The following DMD variants were observed in gnomAD, a reference collection of about 807,000 sequenced individuals.
DMD encodes dystrophin, also known as mutant dystrophin.
In DMD, 63 loss-of-function variants were observed where a neutral mutation model predicts 330.1. That is an observed-to-expected ratio of 0.19 (90% CI 0.16 to 0.24). The LOEUF is 0.24. DMD is among the 10% of genes least tolerant of loss of function. The pLI is 1.00. For missense variants in DMD, 3,344 were observed against 2,684.1 expected, an observed-to-expected ratio of 1.25 and a Z score of -5.43; for synonymous variants, 1,223 against 959.8, an observed-to-expected ratio of 1.27 and a Z score of -5.07.
intron 50 of DMD, among the ~76,000 whole-genome samples, chrX:31,812,899 A>C: frequency 8.9e-6 from 1 of 112,404 alleles, no homozygotes; most frequent in Non-Finnish European, 1.9e-5. Flanking sequence ...TAATTCTAAG[A>C]CTTGTATTAA....
rs377295006 is a variant in DMD at position 31,254,271 on chromosome X, C to A, written c.9286+6684G>T. On this transcript the variant is annotated intron_variant, in intron 63 of 78. Transcript: ENST00000357033. ...TGACAGTATCACAAATGCAAAAAAACTCACATTGTAATTTAAAAAGGAACC... is the reference window on the plus strand; with the variant it reads ...TGACAGTATCACAAATGCAAAAAAAATCACATTGTAATTTAAAAAGGAACC... Among the ~76,000 whole-genome samples the A allele has an allele frequency of 2.2e-4, 25 of 111,803 alleles. No homozygotes were observed. The East Asian group carries it at 4.5e-3, about 20-fold the overall frequency.
At chrX:32,671,763 G>C (rs1364325475) in intron 9 of DMD, among the ~76,000 whole-genome samples, 1 of 111,507 alleles carries the variant, frequency 9.0e-6, no homozygotes, top group African/African-American at 3.2e-5. Context: ...AAATTCTATA[G>C]TACACATTTA....
intron 1 of DMD, among the ~76,000 whole-genome samples, chrX:33,049,957 A>T (rs1162370795): frequency 9.0e-6 from 1 of 111,566 alleles, no homozygotes; most frequent in Non-Finnish European, 1.9e-5. Flanking sequence ...CGTCTTTAGA[A>T]TATTCCTCCT....
At position 31,265,758 on chromosome X, in the gene DMD, A is replaced by G. The variant is rs2050975790; in HGVS notation, c.9225-4742T>C. On this transcript the variant is annotated intron_variant, in intron 62 of 78. Transcript: ENST00000357033. ...TAAAAGGCAATAAAAAAGCTAGGCA[A>G]AAAAAGAAAGGTTGATTGGGGGTGT... Among the ~76,000 whole-genome samples the G allele has an allele frequency of 8.9e-5, 7 of 78,426 alleles. No individual in the cohort carries two copies. In the South Asian group the frequency reaches 7.6e-3, roughly 85 times the overall value. The allele number at this position is 78,426 out of a possible 115,157, so 68.1% of individuals were successfully genotyped here. A position where few individuals can be genotyped will look rare whatever the true frequency, so the allele number is the denominator to read the frequency against.
chrX:32,803,206 A>G (rs1704570686), intron 7 of DMD, among the ~76,000 whole-genome samples: 2 of 111,385 alleles, frequency 1.8e-5, no homozygotes, highest in Non-Finnish European at 3.8e-5. Flanking sequence ...AAGAGTGTAT[A>G]TGTACAGGAA....
In DMD at chrX:32,032,222, A is replaced by G. The variant is rs1192380348; in HGVS notation, c.6439-63708T>C. On this transcript the variant is annotated intron_variant, in intron 44 of 78. Coordinates refer to ENST00000357033, the MANE Select transcript of DMD (RefSeq NM_004006.3). ...TCATAAGTGATATGATTTTAGATTT[A>G]TACTGTCTCCATTTCACATTTTCAT... Among the ~76,000 whole-genome samples the G allele has an allele frequency of 1.7e-4, 19 of 111,818 alleles. No homozygotes were observed. The Admixed American group carries it at 1.8e-3, about 11-fold the overall frequency.
chrX:32,021,816 T>G (rs5972477), intron 44 of DMD, among the ~76,000 whole-genome samples: 17,876 of 111,290 alleles, frequency 0.16, 1,289 homozygotes, highest in East Asian at 0.47. Flanking sequence ...AGTAGAAAAT[T>G]GAAAACTACG....
chrX:31,345,592 T>C (rs2058039321), intron 61 of DMD, among the ~76,000 whole-genome samples: 1 of 111,728 alleles, frequency 9.0e-6, no homozygotes, highest in South Asian at 3.8e-4. Flanking sequence ...ATTTTTTATT[T>C]ATGGTTTATG....
intron 44 of DMD, among the ~76,000 whole-genome samples, chrX:32,087,213 G>C (rs2096445648): frequency 1.8e-5 from 2 of 111,627 alleles, no homozygotes; most frequent in Admixed American, 1.9e-4. Context: ...ATGTAATTGA[G>C]AAAAATAATA....
At chrX:31,480,510 A>G (rs2068176770) in intron 57 of DMD, among the ~76,000 whole-genome samples, 1 of 109,769 alleles carries the variant, frequency 9.1e-6, no homozygotes, top group South Asian at 4.0e-4. Context: ...CTCTGCTTAC[A>G]TATAAAGCTG....
At chrX:31,829,154 G>A (rs1460228968) in intron 49 of DMD, among the ~76,000 whole-genome samples, 2 of 111,596 alleles carry the variant, frequency 1.8e-5, no homozygotes, top group Admixed American at 9.6e-5. Flanking sequence ...GTTCTCACTC[G>A]TAAGTGGGAG....
intron 16 of DMD, among the ~76,000 whole-genome samples, chrX:32,549,604 T>G (rs1237782465): frequency 8.9e-6 from 1 of 112,183 alleles, no homozygotes; most frequent in Non-Finnish European, 1.9e-5. Flanking sequence ...ATTTGAAGAA[T>G]TTTTCTATAC....
intron 64 of DMD, among the ~76,000 whole-genome samples, chrX:31,219,748 A>G (rs866128138): frequency 1.6e-4 from 17 of 109,450 alleles, no homozygotes; most frequent in African/African-American, 3.0e-4. Context: ...CACGAATACT[A>G]TATGTTTGGC....
intron 64 of DMD, among the ~76,000 whole-genome samples, chrX:31,212,178 ATGTGTG>A (rs377234015): frequency 1.0e-3 from 75 of 75,302 alleles, no homozygotes; most frequent in Non-Finnish European, 1.4e-3. Context: ...GTGTGTGTGT[ATGTGTG>A]TGTGTGTGTG....
intron 47 of DMD, among the ~76,000 whole-genome samples, chrX:31,887,386 C>G (rs1054362524): frequency 6.3e-5 from 7 of 110,840 alleles, no homozygotes; most frequent in African/African-American, 2.3e-4. Context: ...TAGCCTCCAA[C>G]TTCTTTAGCC....
chrX:33,062,442 A>C (rs771384045), intron 1 of DMD, among the ~76,000 whole-genome samples: 9 of 112,317 alleles, frequency 8.0e-5, no homozygotes, highest in African/African-American at 2.6e-4. Context: ...CCTGGAATTC[A>C]AGGAGTTTAT....
chrX:31,178,624 A>C, intron 70 of DMD, 45 bp downstream of exon 70: 1 of 1,185,964 alleles, frequency 8.4e-7, no homozygotes, highest in Non-Finnish European at 1.1e-6. Flanking sequence ...GAGGAGTTCA[A>C]ATATACATCA....
chrX:31,917,058 C>A (rs1480432945), intron 47 of DMD, among the ~76,000 whole-genome samples: 1 of 111,372 alleles, frequency 9.0e-6, no homozygotes, highest in Non-Finnish European at 1.9e-5. Flanking sequence ...CCTACACAGA[C>A]TCTTGATAGC....
intron 16 of DMD, among the ~76,000 whole-genome samples, chrX:32,557,605 T>C (rs896462449): frequency 3.6e-5 from 4 of 111,946 alleles, no homozygotes; most frequent in Admixed American, 1.9e-4. Context: ...TGCATAATCA[T>C]AGCAACAGCT....
Sources: allele counts gnomAD v4.1 joint callset (sites outside exome capture counted in the v4.1 genomes callset), GRCh38; gene constraint gnomAD v4.1.1; transcripts MANE v1.5; gene names NCBI Gene and HGNC (gene_info 2026-07-23, HGNC 2026-07-21).